Variants in RNF10 observed in about 807,000 individuals in gnomAD.
RNF10 encodes the protein E3 ubiquitin-protein ligase RNF10.
In RNF10, 38 loss-of-function variants were observed where a neutral mutation model predicts 91.4. The observed-to-expected ratio is 0.42, with a 90% CI of 0.32 to 0.54. The LOEUF (loss-of-function observed/expected upper bound fraction) is 0.54, where lower values mean the gene tolerates loss of function less well. Among genes scored for constraint, RNF10 ranks in the 20% least tolerant of loss-of-function variants. The pLI, the probability that RNF10 is intolerant of heterozygous loss-of-function variation, is 0.16. For missense variants in RNF10, 945 were observed against 1,012.0 expected (o/e 0.93, Z 0.90); for synonymous variants, 364 against 366.3 (o/e 0.99, Z 0.07).
intron 1 of RNF10, among the ~76,000 whole-genome samples, chr12:120,543,921 CT>C (rs1471271930): frequency 2.0e-5 from 3 of 151,998 alleles, no homozygotes; most frequent in African/African-American, 7.3e-5. Context: ...GGCACCACTG[CT>C]TTCCACCCTG....
chr12:120,561,719 C>T (rs150043680), intron 7 of RNF10, among the ~76,000 whole-genome samples: 1 of 152,226 alleles, frequency 6.6e-6, no homozygotes, highest in East Asian at 1.9e-4. Flanking sequence ...ATTTGAATTC[C>T]CTTCTCCCTG....
rs63190362 is a variant in RNF10 at position 120,540,078 on chromosome 12, T to TAA, written c.157+5123_157+5124dup. On this transcript the variant is annotated intron_variant, in intron 1 of 16. Coordinates refer to ENST00000325954, the MANE Select transcript of RNF10 (RefSeq NM_014868.5). ...CAAACTCCTGACCTCATGAGGAACT[T>TAA]AAAAAAAAAAAAAATAGGGGTGTGT... Among the ~76,000 whole-genome samples, 39 of 144,208 alleles carry TAA rather than the reference T, an allele frequency of 2.7e-4. No homozygotes were observed. In the East Asian group the frequency reaches 3.6e-3, roughly 13 times the overall value. The allele number at this position is 144,208 out of a possible 152,430, so 94.6% of individuals were successfully genotyped here.
At chr12:120,536,021 A>G (rs1325699183) in intron 1 of RNF10, among the ~76,000 whole-genome samples, 7 of 152,188 alleles carry the variant, frequency 4.6e-5, no homozygotes, top group African/African-American at 2.4e-5. Flanking sequence ...ATTAGCAGTA[A>G]TAGGAAGGTG....
chr12:120,564,597 A>G (rs757468556), intron 10 of RNF10, among the ~76,000 whole-genome samples: 8 of 152,248 alleles, frequency 5.3e-5, no homozygotes, highest in African/African-American at 9.6e-5. Flanking sequence ...GAGCAAGACC[A>G]TGTCTCAGAA....
intron 1 of RNF10, among the ~76,000 whole-genome samples, chr12:120,537,563 G>A (rs146385121): frequency 3.3e-5 from 5 of 152,234 alleles, no homozygotes; most frequent in Non-Finnish European, 7.4e-5. Context: ...GGGAGGCGGA[G>A]GTTGCAGTAA....
intron 4 of RNF10, among the ~76,000 whole-genome samples, chr12:120,557,016 C>T (rs9669663): frequency 0.27 from 40,251 of 148,244 alleles, 6,518 homozygotes; most frequent in Admixed American, 0.39. Flanking sequence ...TGGTGGCAGG[C>T]GCCTGTAGTC....
At chr12:120,573,605 A>T (rs2137271424) in intron 14 of RNF10, among the ~76,000 whole-genome samples, 2 of 150,750 alleles carry the variant, frequency 1.3e-5, no homozygotes, top group South Asian at 2.1e-4. Context: ...AAAAAAGTTT[A>T]TTTGGCTCAT....
intron 4 of RNF10, among the ~76,000 whole-genome samples, chr12:120,557,071 G>A (rs1378265988): frequency 1.5e-5 from 2 of 132,292 alleles, no homozygotes; most frequent in African/African-American, 5.6e-5. Flanking sequence ...GTGAACCAAG[G>A]AGATGGACCG....
chr12:120,552,013 CTTTT>C (rs111247951), intron 2 of RNF10, among the ~76,000 whole-genome samples: 25 of 130,720 alleles, frequency 1.9e-4, no homozygotes, highest in African/African-American at 6.8e-4. Context: ...ATGCTACATA[CTTTT>C]TTTTTTTTTT....
intron 14 of RNF10, 155 bp from the exon 15 acceptor site, chr12:120,575,476 T>G (rs1284266658): frequency 3.3e-5 from 25 of 755,578 alleles, no homozygotes. Context: ...ATAGAGGACA[T>G]GACTAGAACA....
intron 1 of RNF10, among the ~76,000 whole-genome samples, chr12:120,537,308 G>A (rs571840784): frequency 8.6e-5 from 13 of 151,808 alleles, no homozygotes; most frequent in East Asian, 3.9e-4. Flanking sequence ...GTGAGACCCC[G>A]TCTCAAAACA....
intron 14 of RNF10, among the ~76,000 whole-genome samples, chr12:120,574,092 T>G (rs1398445285): frequency 6.6e-6 from 1 of 152,012 alleles, no homozygotes; most frequent in African/African-American, 2.4e-5. Context: ...GATTTTAACA[T>G]GAGGCTTGGG....
At position 120,560,922 on chromosome 12, in the gene RNF10, C is replaced by A. The variant is rs372337787; in HGVS notation, c.1128+36C>A. On this transcript the variant is annotated intron_variant, in intron 7 of 16. Transcript: ENST00000325954. ...GCATTGGAGATGCTAAACCTTTTCA[C>A]TTTCTCGGCGTTCTGTGGTGAAAAC... is the stretch of plus-strand genomic sequence containing the variant. 1.5e-5 allele frequency: 24 copies of A among 1,597,522 alleles called. 1 individual carries two copies. The African/African-American group carries it at 3.2e-4, about 21-fold the overall frequency.
chr12:120,542,545 G>A (rs1417845407), intron 1 of RNF10, among the ~76,000 whole-genome samples: 4 of 151,958 alleles, frequency 2.6e-5, no homozygotes, highest in Non-Finnish European at 5.9e-5. Flanking sequence ...TAGTTTTTAA[G>A]TTCTAACTTT....
intron 13 of RNF10, among the ~76,000 whole-genome samples, chr12:120,569,149 A>G (rs955730725): frequency 5.3e-5 from 8 of 151,976 alleles, no homozygotes; most frequent in Non-Finnish European, 8.8e-5. Context: ...TTGTATTTTT[A>G]GTAGAGACAG....
intron 13 of RNF10, 124 bp from the exon 14 acceptor site, chr12:120,571,063 TTTGC>T: frequency 1.5e-6 from 1 of 646,578 alleles, no homozygotes. Context: ...TGGATCAATG[TTTGC>T]TTTTTTTTTT....
At chr12:120,569,725 A>T (rs966467507) in intron 13 of RNF10, among the ~76,000 whole-genome samples, 9 of 151,596 alleles carry the variant, frequency 5.9e-5, no homozygotes, top group Non-Finnish European at 1.0e-4. Flanking sequence ...TTTAGTAGAG[A>T]TGGGGTTTCG....
At chr12:120,535,621 A>C (rs1238214548) in intron 1 of RNF10, 1 of 152,216 alleles carries the variant, frequency 6.6e-6, no homozygotes, top group Non-Finnish European at 1.5e-5. Context: ...CTAATTAAAA[A>C]CAAAACAAAT....
chr12:120,562,267 C>CTTTTTTTTTTTT lies in RNF10; in HGVS notation c.1129-675_1129-674insTTTTTTTTTTTT, dbSNP rs1174061958. ...CGATATTTGGTTTTTCTTTTTCTTT[C>CTTTTTTTTTTTT]TTTCTTTTTTTTTTTTTTTTTTTTG... On this transcript the variant is annotated intron_variant, in intron 7 of 16. Transcript: ENST00000325954. 1.1e-3 allele frequency among the ~76,000 whole-genome samples: 111 copies of CTTTTTTTTTTTT among 102,190 alleles called. 4 individuals are homozygous for CTTTTTTTTTTTT. The highest frequency in any genetic ancestry group is 1.7e-3 in the Non-Finnish European group (84 of 49,694). The allele number at this position is 102,190 out of a possible 152,430, so 67.0% of individuals were successfully genotyped here.
Sources: gnomAD v4.1 joint callset for allele counts (sites outside exome capture counted in the v4.1 genomes callset) on GRCh38, gnomAD v4.1.1 for gene constraint, MANE v1.5 for transcripts, NCBI Gene and HGNC (gene_info 2026-07-23, HGNC 2026-07-21) for gene names.